The following BCKDHB variants were observed in gnomAD, a reference collection of about 807,000 sequenced individuals.
The protein encoded by BCKDHB is branched chain keto acid dehydrogenase E1 subunit beta, also known as 2-oxoisovalerate dehydrogenase subunit beta, mitochondrial.
Under a neutral mutation model 48.5 loss-of-function variants are expected in BCKDHB, and 41 were observed. That is an observed-to-expected ratio of 0.85 (90% CI 0.66 to 1.10). The LOEUF is 1.10. BCKDHB is among the 50% of genes least tolerant of loss of function. The pLI, the probability that BCKDHB is intolerant of heterozygous loss-of-function variation, is 0.00. For synonymous variants in BCKDHB, 201 were observed against 174.8 expected, an observed-to-expected ratio of 1.15 and a Z score of -1.18; for missense variants, 496 against 494.2, an observed-to-expected ratio of 1.00 and a Z score of -0.03.
chr6:80,167,891 C>T, intron 4 of BCKDHB, 80 bp downstream of exon 4: 1 of 1,378,994 alleles, frequency 7.3e-7, no homozygotes, highest in Non-Finnish European at 1.0e-6. Flanking sequence ...CCACCCTTAC[C>T]TGCATTCTAA....
the BCKDHB span, among the ~76,000 whole-genome samples, chr6:80,412,253 G>A: frequency 6.7e-6 from 1 of 148,562 alleles, no homozygotes; most frequent in Non-Finnish European, 1.5e-5. Context: ...AAGTGATTCT[G>A]CTGCCTCAGC....
intron 9 of BCKDHB, among the ~76,000 whole-genome samples, chr6:80,336,411 A>G (rs1294224350): frequency 6.6e-6 from 1 of 151,680 alleles, no homozygotes; most frequent in Non-Finnish European, 1.5e-5. Context: ...CACTTTAAAA[A>G]TGGAATCTGA....
intron 1 of BCKDHB, among the ~76,000 whole-genome samples, chr6:80,125,160 C>G (rs1372428724): frequency 6.6e-6 from 1 of 152,202 alleles, no homozygotes; most frequent in Non-Finnish European, 1.5e-5. Context: ...GCACTTTATG[C>G]TTCACTTTGC....
intron 7 of BCKDHB, among the ~76,000 whole-genome samples, chr6:80,201,752 T>G (rs1562131581): frequency 6.6e-6 from 1 of 152,076 alleles, no homozygotes; most frequent in Non-Finnish European, 1.5e-5. Context: ...CCTCCCAACT[T>G]TTTCTCTGGC....
chr6:80,465,848 C>G, the BCKDHB span: 1 of 152,162 alleles, frequency 6.6e-6, no homozygotes, highest in Non-Finnish European at 1.5e-5. Context: ...AATACCCAGA[C>G]ACATTGGATG....
At chr6:80,433,682 A>T in the BCKDHB span, among the ~76,000 whole-genome samples, 3 of 151,766 alleles carry the variant, frequency 2.0e-5, no homozygotes, top group African/African-American at 4.9e-5. Flanking sequence ...GTTCTGTCTC[A>T]TTGGCATTCC....
intron 9 of BCKDHB, among the ~76,000 whole-genome samples, chr6:80,342,859 G>A (rs948957567): frequency 2.0e-5 from 3 of 152,236 alleles, no homozygotes; most frequent in South Asian, 4.1e-4. Context: ...TTTCTACAGT[G>A]TTCTACTGTG....
At chr6:80,442,657 A>C in the BCKDHB span, among the ~76,000 whole-genome samples, 1 of 152,132 alleles carries the variant, frequency 6.6e-6, no homozygotes, top group Non-Finnish European at 1.5e-5. Context: ...GAGGTTGAGG[A>C]AAGAAGATAT....
chr6:80,409,132 CCATTAGT>C, the BCKDHB span, among the ~76,000 whole-genome samples: 7 of 152,044 alleles, frequency 4.6e-5, no homozygotes, highest in Non-Finnish European at 1.0e-4. Context: ...CATTATTTAC[CCATTAGT>C]CATTCAGGAG....
At chr6:80,366,128 G>T in the BCKDHB span, among the ~76,000 whole-genome samples, 2 of 152,146 alleles carry the variant, frequency 1.3e-5, no homozygotes, top group African/African-American at 2.4e-5. Context: ...ATAAAAGCAG[G>T]AATTTTCCTG....
rs116497637 is a variant in BCKDHB at position 80,291,808 on chromosome 6, G to A, written c.1038+18587G>A. On this transcript the variant is annotated intron_variant, in intron 9 of 9. Transcript: ENST00000320393. The stretch of plus-strand genomic sequence containing the variant: ...CAGTTCTTGAAACATAATTTTTTTC[G>A]TCTCTTCAGTTTTATATTTTTACTA... Among the ~76,000 whole-genome samples, 510 of 152,076 alleles carry A rather than the reference G, an allele frequency of 3.4e-3. 2 individuals carry two copies. Among genetic ancestry groups the A allele is most frequent in the East Asian group, 0.012 (64 of 5,156 alleles).
chr6:80,351,956 G>A, the BCKDHB span, among the ~76,000 whole-genome samples: 1 of 151,606 alleles, frequency 6.6e-6, no homozygotes, highest in East Asian at 1.9e-4. Flanking sequence ...CAAGTAGCTG[G>A]GATTACAGGC....
chr6:80,307,435 C>T, intron 9 of BCKDHB: 1 of 985,096 alleles, frequency 1.0e-6, no homozygotes, highest in Non-Finnish European at 1.2e-6. Flanking sequence ...CCCCCTCTGT[C>T]AATATTCTGT....
intron 9 of BCKDHB, among the ~76,000 whole-genome samples, chr6:80,304,092 G>C (rs142696220): frequency 0.01 from 1,580 of 152,250 alleles, 95 homozygotes; most frequent in Admixed American, 0.084. Flanking sequence ...TAATTCAGAA[G>C]TAGTTACATC....
chr6:80,200,716 T>G (rs138220813), intron 6 of BCKDHB, among the ~76,000 whole-genome samples: 1 of 152,162 alleles, frequency 6.6e-6, no homozygotes, highest in Non-Finnish European at 1.5e-5. Context: ...TGTTCCAAGA[T>G]AGCTGATATG....
At chr6:80,268,180 C>A in intron 8 of BCKDHB, among the ~76,000 whole-genome samples, 1 of 152,040 alleles carries the variant, frequency 6.6e-6, no homozygotes, top group Non-Finnish European at 1.5e-5. Flanking sequence ...TGAGGTTTTT[C>A]TGGCTAACTT....
chr6:80,290,457 C>T (rs1010556410), intron 9 of BCKDHB, among the ~76,000 whole-genome samples: 22 of 152,194 alleles, frequency 1.4e-4, no homozygotes, highest in Non-Finnish European at 2.8e-4. Context: ...GTCTCTCCCC[C>T]GCCCACTGCG....
rs1449794301 is a variant in BCKDHB, at chr6:80,220,376, C to T, written c.951+17164C>T. On this transcript the variant is annotated intron_variant, in intron 8 of 9. Transcript: ENST00000320393. ...ATATACATTTTTTTCAAGTTATGTT[C>T]TATAGATTATCTCTGTTTCTTTAGT... Among the ~76,000 whole-genome samples, 4 of 27,056 alleles carry T rather than the reference C, an allele frequency of 1.5e-4. 1 individual carries two copies. The highest frequency in any genetic ancestry group is 1.1e-4 in the African/African-American group (1 of 9,032). 17.7% of individuals were successfully genotyped at this position (27,056 alleles called of 152,430 possible). A position where few individuals can be genotyped will look rare whatever the true frequency, so the allele number is the denominator to read the frequency against.
At chr6:80,175,704 T>C (rs1727504667) in intron 6 of BCKDHB, among the ~76,000 whole-genome samples, 1 of 152,188 alleles carries the variant, frequency 6.6e-6, no homozygotes, top group African/African-American at 2.4e-5. Context: ...TTACACTGCA[T>C]TGTTTAAAGG....
Sources: gnomAD v4.1 joint callset for allele counts (sites outside exome capture counted in the v4.1 genomes callset) on GRCh38, gnomAD v4.1.1 for gene constraint, MANE v1.5 for transcripts, NCBI Gene and HGNC (gene_info 2026-07-23, HGNC 2026-07-21) for gene names.